Variants in MOK observed in about 807,000 individuals in gnomAD.
The protein encoded by MOK is MAPK/MAK/MRK overlapping kinase.
Under a neutral mutation model 54.2 loss-of-function variants are expected in MOK, and 59 were observed. The observed-to-expected ratio is 1.09, with a 90% CI of 0.88 to 1.35. The LOEUF (loss-of-function observed/expected upper bound fraction) is 1.35. Among genes scored for constraint, MOK ranks in the 40% most tolerant of loss-of-function variants. The pLI is 0.00. For missense variants in MOK, 517 were observed against 526.2 expected, an observed-to-expected ratio of 0.98 and a Z score of 0.17; for synonymous variants, 210 against 202.7, an observed-to-expected ratio of 1.04 and a Z score of -0.31.
In MOK at chr14:102,250,858, T is replaced by G; in HGVS notation, c.544A>C (p.Lys182Gln). 1 of 1,614,056 alleles carries G rather than the reference T, an allele frequency of 6.2e-7. No individual in the cohort carries two copies. The highest frequency in any genetic ancestry group is 8.5e-7 in the Non-Finnish European group (1 of 1,180,020). ...CAGCCGGCGCTCCACAGGTCCATCT[T>G]GTACGTGTAGAACCCATCAGTGAGG... ...CLLTDGFYTY[K>Q]MDLWSAGCVF... The change falls in exon 7 of 12, where the codon AAG becomes CAG. Residue 182 changes from lysine to glutamine, a missense_variant. By Grantham distance (53) the Lys-to-Gln change is moderately conservative. Coordinates refer to ENST00000361847, the MANE Select transcript of MOK (RefSeq NM_014226.3).
intron 2 of MOK, among the ~76,000 whole-genome samples, chr14:102,267,562 T>C (rs968817914): frequency 2.0e-5 from 3 of 152,160 alleles, no homozygotes; most frequent in African/African-American, 7.2e-5. Flanking sequence ...TGAGACTCCA[T>C]CTCAAAAAAT....
At position 102,233,801 on chromosome 14, in the gene MOK, G is replaced by A. The variant is rs3818665; in HGVS notation, c.591-12C>T. The A allele has an allele frequency of 1.3e-6, 2 of 1,596,608 alleles. No individual in the cohort carries two copies. Among genetic ancestry groups the A allele is most frequent in the Non-Finnish European group, 1.7e-6 (2 of 1,164,016 alleles). ...AGAGGGGCTGCAGACTGGAAGGGCA[G>A]AAGGGGCACTGTGGTCAGTGTTAGG... On this transcript the variant is annotated splice_polypyrimidine_tract_variant and intron_variant, in intron 7 of 11. Transcript: ENST00000361847.
chr14:102,224,837 A>T (rs79483816), downstream of MOK: 2,902 of 455,496 alleles, frequency 6.4e-3, 18 homozygotes, highest in South Asian at 8.7e-3. Flanking sequence ...TTGCTGTTCT[A>T]AATGAAAGAA....
chr14:102,247,391 C>T (rs2066175187), intron 7 of MOK: 2 of 152,206 alleles, frequency 1.3e-5, no homozygotes, highest in Non-Finnish European at 2.9e-5. Context: ...GGACAGGCAC[C>T]TACCTGCACC....
At chr14:102,283,361 A>T in intron 2 of MOK, 117 bp downstream of exon 2, 1 of 641,384 alleles carries the variant, frequency 1.6e-6, no homozygotes, top group Non-Finnish European at 2.7e-6. Flanking sequence ...TGCCCAAAGA[A>T]ATCTGATTGT....
At chr14:102,251,072 C>G (rs1006932384) in intron 6 of MOK, 82 bp from the exon 7 acceptor site, 14 of 1,457,068 alleles carry the variant, frequency 9.6e-6, no homozygotes, top group Non-Finnish European at 1.3e-5. Context: ...ATTTATGCAC[C>G]AGCAGGAAAA....
downstream of MOK, among the ~76,000 whole-genome samples, chr14:102,220,066 G>A (rs1273464894): frequency 7.2e-5 from 11 of 152,256 alleles, no homozygotes; most frequent in Non-Finnish European, 1.5e-5. This position sits in a 1 kb window ranked among gnomAD's most constrained non-coding sequence, Gnocchi z 4.2. Context: ...GCGTTGGGTC[G>A]CTTTCTAGGG....
chr14:102,302,110 T>C (rs1475794932), intron 1 of MOK, among the ~76,000 whole-genome samples: 1 of 149,452 alleles, frequency 6.7e-6, no homozygotes. Context: ...TTTTGCTCTG[T>C]TGCCCAGGCT....
chr14:102,254,974 G>C (rs1487933203), intron 4 of MOK, among the ~76,000 whole-genome samples: 1 of 152,126 alleles, frequency 6.6e-6, no homozygotes, highest in African/African-American at 2.4e-5. Context: ...ACTTGAACTT[G>C]GGAAACGTGG....
rs2065163147 is a variant in MOK at position 102,235,723 on chromosome 14, T to TC, written c.591-1935dup. Among the ~76,000 whole-genome samples the TC allele has an allele frequency of 6.6e-6, 1 of 152,192 alleles. No individual in the cohort carries two copies. Among genetic ancestry groups the TC allele is most frequent in the South Asian group, 2.1e-4 (1 of 4,822 alleles). ...AAAATACACGCGTGTCGATCCCGCC[T>TC]CCCGGGAAGGAACTATTGTTCTTTA... On this transcript the variant is annotated intron_variant, in intron 7 of 11. Transcript: ENST00000361847. The surrounding 1 kb of genome is among the most constrained non-coding windows in gnomAD (Gnocchi z 4.4).
chr14:102,235,188 A>G lies in MOK; in HGVS notation c.591-1399T>C, dbSNP rs1245981625. On this transcript the variant is annotated intron_variant, in intron 7 of 11. Coordinates refer to ENST00000361847, the MANE Select transcript of MOK (RefSeq NM_014226.3). The surrounding 1 kb of genome is among the most constrained non-coding windows in gnomAD (Gnocchi z 4.4). ...ACTCGTTCTCGAGCCCAACACGCCCAGCAGCCTGCTCCCTTGCTTCTTCTC... is the reference window on the plus strand; with the variant it reads ...ACTCGTTCTCGAGCCCAACACGCCCGGCAGCCTGCTCCCTTGCTTCTTCTC... 6.6e-6 allele frequency: 1 copy of G among 151,852 alleles called. No homozygotes were observed. Among genetic ancestry groups the G allele is most frequent in the African/African-American group, 2.4e-5 (1 of 41,248 alleles). 9.4% of individuals were successfully genotyped at this position (151,852 alleles called of 1,614,324 possible).
intron 2 of MOK, among the ~76,000 whole-genome samples, chr14:102,274,104 C>A (rs1351863435): frequency 6.6e-6 from 1 of 151,702 alleles, no homozygotes; most frequent in Non-Finnish European, 1.5e-5. Context: ...ACTATAGGCG[C>A]CTGCCACCAC....
chr14:102,229,365 G>A lies in MOK; in HGVS notation c.1184C>T (p.Thr395Ile), dbSNP rs970114266. The change falls in exon 12 of 12, where the codon ACA (threonine) becomes ATA (isoleucine). Residue 395 changes from threonine (T) to isoleucine (I), a missense_variant and splice_region_variant. Physicochemically the swap from Thr to Ile is moderately conservative, Grantham distance 89. Coordinates refer to ENST00000361847, the MANE Select transcript of MOK (RefSeq NM_014226.3). ...AGGCTTAAGGTCCTTCTGCGGATCT[G>A]TCTGTCAAAGAAAAATTACAGACAC... The part of the protein sequence containing the change: ...PLKCIPASKK[T>I]DPQKDLKPAP... 6.8e-6 allele frequency: 11 copies of A among 1,613,868 alleles called. No individual in the cohort carries two copies. Among genetic ancestry groups the A allele is most frequent in the African/African-American group, 1.3e-5 (1 of 74,936 alleles).
chr14:102,243,703 A>T (rs1432331925), intron 7 of MOK, among the ~76,000 whole-genome samples: 1 of 152,094 alleles, frequency 6.6e-6, no homozygotes, highest in African/African-American at 2.4e-5. Flanking sequence ...ACATTATTCC[A>T]GATACCACAC....
intron 1 of MOK, among the ~76,000 whole-genome samples, chr14:102,297,561 C>T (rs530231137): frequency 1.1e-3 from 170 of 152,356 alleles, no homozygotes; most frequent in Non-Finnish European, 2.1e-3. Flanking sequence ...ACTCTGGCCA[C>T]GCTTGAGGAG....
At chr14:102,268,779 G>T (rs2068113634) in intron 2 of MOK, among the ~76,000 whole-genome samples, 1 of 152,090 alleles carries the variant, frequency 6.6e-6, no homozygotes, top group South Asian at 2.1e-4. Context: ...AGCCGGGATG[G>T]TGGCGGGTGC....
At chr14:102,297,271 T>C (rs1442144399) in intron 1 of MOK, among the ~76,000 whole-genome samples, 2 of 151,772 alleles carry the variant, frequency 1.3e-5, no homozygotes, top group Non-Finnish European at 1.5e-5. Context: ...GGCAGGAGAA[T>C]GGCATGAACC....
chr14:102,220,003 A>G (rs1348924523), downstream of MOK, among the ~76,000 whole-genome samples: 1 of 152,246 alleles, frequency 6.6e-6, no homozygotes, highest in Non-Finnish European at 1.5e-5. This position sits in a 1 kb window ranked among gnomAD's most constrained non-coding sequence, Gnocchi z 4.2. Context: ...AAACTGGAGA[A>G]TGAGTGTGCA....
At chr14:102,229,695 T>C in intron 10 of MOK, 38 bp from the exon 11 acceptor site, 1 of 1,530,080 alleles carries the variant, frequency 6.5e-7, no homozygotes, top group Non-Finnish European at 8.8e-7. Context: ...CATAAAACGC[T>C]TTCTGCTTTA....
Sources: allele counts gnomAD v4.1 joint callset (sites outside exome capture counted in the v4.1 genomes callset), GRCh38; gene constraint gnomAD v4.1.1; non-coding constraint Gnocchi (gnomAD v3.1); transcripts MANE v1.5; gene names NCBI Gene and HGNC (gene_info 2026-07-23, HGNC 2026-07-21).